Variants in TRDN observed in about 807,000 individuals in gnomAD.
TRDN encodes the protein triadin in skeletal muscle.
Under a neutral mutation model 149.7 loss-of-function variants are expected in TRDN, and 161 were observed. The ratio of observed to expected loss-of-function variants is 1.08; its 90% CI spans 0.95 to 1.23. TRDN has a LOEUF of 1.23. Ranked by LOEUF, TRDN falls within the 50% of genes most tolerant of loss-of-function variation. TRDN has a pLI of 0.00. For synonymous variants in TRDN, 294 were observed against 250.5 expected (o/e 1.17, Z -1.64); for missense variants, 896 against 823.5 (o/e 1.09, Z -1.08).
intron 24 of TRDN, among the ~76,000 whole-genome samples, chr6:123,301,768 T>TATATATATATATATATATATATATATAC: frequency 1.1e-5 from 1 of 92,752 alleles, no homozygotes; most frequent in Non-Finnish European, 2.3e-5. Context: ...TATATATATA[T>TATATATATATATATATATATATATATAC]ACATATATAT....
chr6:123,366,102 G>A, intron 20 of TRDN, 33 bp downstream of exon 20: 3 of 1,570,746 alleles, frequency 1.9e-6, no homozygotes, highest in Non-Finnish European at 1.7e-6. Context: ...ATAACTTATA[G>A]TTATGACATC....
chr6:123,498,762 A>G, intron 8 of TRDN: 1 of 367,662 alleles, frequency 2.7e-6, no homozygotes, highest in African/African-American at 2.1e-5. Context: ...ACAAAGCAAG[A>G]TGAAAAAGTA....
chr6:123,362,281 G>C (rs1480132872), intron 20 of TRDN, among the ~76,000 whole-genome samples: 3 of 151,962 alleles, frequency 2.0e-5, no homozygotes, highest in Non-Finnish European at 4.4e-5. Context: ...ACATTGTTGA[G>C]AATCTTTCTA....
chr6:123,541,951 GTCT>G (rs1780858771), intron 4 of TRDN, among the ~76,000 whole-genome samples: 1 of 152,076 alleles, frequency 6.6e-6, no homozygotes, highest in South Asian at 2.1e-4. Flanking sequence ...TAATCCTAAA[GTCT>G]TGAATATTTA....
chr6:123,596,194 C>T lies in TRDN; in HGVS notation c.23-25062G>A, dbSNP rs558564280. 2.3e-3 allele frequency among the ~76,000 whole-genome samples: 352 copies of T among 152,152 alleles called. 1 individual carries two copies. Among genetic ancestry groups the T allele is most frequent in the Non-Finnish European group, 3.6e-3 (244 of 67,970 alleles). On this transcript the variant is annotated intron_variant, in intron 1 of 40. Transcript: ENST00000334268. ...CTGATCTGAAGAAAATTCAAGTGTT[C>T]TGAATAGATCAAACCAACCAAAACA...
intron 4 of TRDN, 129 bp from the exon 5 acceptor site, chr6:123,530,694 G>A: frequency 1.9e-6 from 1 of 519,684 alleles, no homozygotes; most frequent in Non-Finnish European, 2.9e-6. Context: ...CAAGTTTATT[G>A]GAGTCTAAAA....
intron 1 of TRDN, among the ~76,000 whole-genome samples, chr6:123,582,347 C>T (rs1783163956): frequency 2.6e-5 from 4 of 152,022 alleles, no homozygotes; most frequent in Non-Finnish European, 4.4e-5. Flanking sequence ...CATGCGCGTC[C>T]GTGTGAAGAG....
chr6:123,251,981 G>A (rs898771725), intron 38 of TRDN, among the ~76,000 whole-genome samples: 5 of 151,860 alleles, frequency 3.3e-5, no homozygotes, highest in Non-Finnish European at 7.4e-5. Flanking sequence ...TTACAATTTA[G>A]GTTTCTTAGA....
At chr6:123,604,802 T>A (rs187463482) in intron 1 of TRDN, among the ~76,000 whole-genome samples, 16 of 149,518 alleles carry the variant, frequency 1.1e-4, no homozygotes, top group Non-Finnish European at 2.2e-4. Context: ...TGATTATTAG[T>A]GTTCTATTTC....
intron 33 of TRDN, among the ~76,000 whole-genome samples, chr6:123,263,384 G>A (rs1562235835): frequency 6.6e-6 from 1 of 152,038 alleles, no homozygotes; most frequent in Non-Finnish European, 1.5e-5. Context: ...GAAATTTAAG[G>A]AATGAAGCCA....
At chr6:123,223,332 T>G (rs568880958) in intron 39 of TRDN, among the ~76,000 whole-genome samples, 1 of 151,620 alleles carries the variant, frequency 6.6e-6, no homozygotes, top group Non-Finnish European at 1.5e-5. Context: ...AAATAACTAA[T>G]GGATGGCAGG....
intron 1 of TRDN, among the ~76,000 whole-genome samples, chr6:123,631,781 T>A (rs1786020624): frequency 6.6e-6 from 1 of 152,018 alleles, no homozygotes; most frequent in African/African-American, 2.4e-5. Flanking sequence ...TGAAACTTAA[T>A]GTACCCATTA....
intron 12 of TRDN, among the ~76,000 whole-genome samples, chr6:123,409,407 G>A (rs1773339457): frequency 6.6e-6 from 1 of 152,128 alleles, no homozygotes; most frequent in African/African-American, 2.4e-5. Context: ...TTGAATCTTG[G>A]CTTTGCCATT....
chr6:123,493,855 AT>A (rs1562345280), intron 9 of TRDN, among the ~76,000 whole-genome samples: 2 of 152,046 alleles, frequency 1.3e-5, no homozygotes, highest in South Asian at 4.1e-4. Flanking sequence ...CTCATTCCTT[AT>A]TTTCAAAAAT....
At chr6:123,510,605 TA>T (rs750855602) in intron 7 of TRDN, among the ~76,000 whole-genome samples, 18 of 151,902 alleles carry the variant, frequency 1.2e-4, no homozygotes, top group Non-Finnish European at 2.2e-4. Flanking sequence ...CTCAAACTTT[TA>T]AAGTAAAAAT....
intron 10 of TRDN, among the ~76,000 whole-genome samples, chr6:123,458,718 GC>G (rs1776274420): frequency 6.6e-6 from 1 of 152,170 alleles, no homozygotes; most frequent in Admixed American, 6.5e-5. Flanking sequence ...TTGGGTCTAT[GC>G]TGTGTTCTAA....
rs2114833034 is a variant in TRDN at position 123,503,782 on chromosome 6, G to T, written c.730C>A (p.Pro244Thr). 2 of 1,613,276 alleles carry T rather than the reference G, an allele frequency of 1.2e-6. No individual in the cohort carries two copies. Among genetic ancestry groups the T allele is most frequent in the East Asian group, 4.5e-5 (2 of 44,804 alleles). The change falls in exon 8 of 41, where the codon CCA becomes ACA. Residue 244 changes from proline to threonine, a missense_variant. By Grantham distance (38) the Pro-to-Thr change is conservative. Transcript: ENST00000334268. The stretch of plus-strand genomic sequence containing the variant: ...TCCTCCTTTTCTTTGGGTTTTGATG[G>T]TGTTTTCTGTACTTCTTTTACTTTT... ...AAKVKEVQKT[P>T]SKPKEKEDKE...
At chr6:123,508,174 T>C (rs531793908) in intron 7 of TRDN, among the ~76,000 whole-genome samples, 49 of 152,268 alleles carry the variant, frequency 3.2e-4, no homozygotes, top group African/African-American at 9.4e-4. Context: ...CACAGTTTAA[T>C]GTACAGCAGG....
chr6:123,269,561 A>G (rs1777131637), intron 31 of TRDN, among the ~76,000 whole-genome samples: 1 of 151,830 alleles, frequency 6.6e-6, no homozygotes. Context: ...AGACTTCTGG[A>G]TATTTCTTTT....
Sources: allele counts gnomAD v4.1 joint callset (sites outside exome capture counted in the v4.1 genomes callset), GRCh38; gene constraint gnomAD v4.1.1; transcripts MANE v1.5; gene names NCBI Gene and HGNC (gene_info 2026-07-23, HGNC 2026-07-21).